DCAF8L2: variants seen among roughly 807,000 people sequenced by gnomAD.
DCAF8L2 encodes DDB1 and CUL4 associated factor 8 like 2.
For synonymous variants in DCAF8L2, 200 were observed against 190.9 expected, an observed-to-expected ratio of 1.05 and a Z score of -0.39; for missense variants, 430 against 490.7, an observed-to-expected ratio of 0.88 and a Z score of 1.17.
At chrX:27,533,216 AAGAAAGAAAGAAAGAAAG>A in the DCAF8L2 span, among the ~76,000 whole-genome samples, 793 of 49,442 alleles carry the variant, frequency 0.016, 100 homozygotes, top group East Asian at 0.052. Context: ...GAAAGAAAGA[AAGAAAGAAAGAAAGAAAG>A]AGAAAGAAAG....
intron 1 of DCAF8L2, among the ~76,000 whole-genome samples, chrX:27,618,742 C>T (rs759751390): frequency 9.0e-6 from 1 of 111,299 alleles, no homozygotes; most frequent in Non-Finnish European, 1.9e-5. Flanking sequence ...AACTTGAATA[C>T]GTGTTCAAAA....
chrX:27,674,769 C>T (rs1042291057), intron 2 of DCAF8L2, among the ~76,000 whole-genome samples: 6 of 111,181 alleles, frequency 5.4e-5, no homozygotes, highest in African/African-American at 2.0e-4. Context: ...CAGCAGGCCG[C>T]GGTTGTAGAA....
chrX:27,721,976 A>T (rs1931914216), intron 4 of DCAF8L2, among the ~76,000 whole-genome samples: 1 of 111,841 alleles, frequency 8.9e-6, no homozygotes, highest in Non-Finnish European at 1.9e-5. Flanking sequence ...TTCTGATGGT[A>T]ATTCACCTAT....
the DCAF8L2 span, among the ~76,000 whole-genome samples, chrX:27,504,462 T>G: frequency 9.0e-6 from 1 of 111,655 alleles, no homozygotes; most frequent in Non-Finnish European, 1.9e-5. Context: ...GTGTACTTAT[T>G]GTTCTTATGC....
intron 2 of DCAF8L2, among the ~76,000 whole-genome samples, chrX:27,675,828 T>A (rs898799728): frequency 9.0e-6 from 1 of 111,704 alleles, no homozygotes; most frequent in African/African-American, 3.3e-5. Context: ...CTGAGCTTCA[T>A]GGGATCATAA....
intron 2 of DCAF8L2, among the ~76,000 whole-genome samples, chrX:27,635,328 G>A (rs186373884): frequency 8.2e-4 from 91 of 111,179 alleles, no homozygotes; most frequent in African/African-American, 2.8e-3. Flanking sequence ...TCTTCTCAAT[G>A]AAACTATCAA....
chrX:27,509,833 A>G, the DCAF8L2 span, among the ~76,000 whole-genome samples: 4 of 111,839 alleles, frequency 3.6e-5, no homozygotes, highest in African/African-American at 1.3e-4. Context: ...AAGAAAGTGA[A>G]TATGTGTATA....
rs779233435 is a variant in DCAF8L2, at chrX:27,747,563, G to C, written c.668G>C (p.Arg223Pro). The change falls in exon 5 of 5, where the codon CGT (arginine) becomes CCT (proline). Residue 223 changes from arginine to proline, a missense_variant. Transcript: ENST00000451261. Reference sequence around the variant, plus strand: ...GTGCAGCGTTTCCGCCTGCAATATCGTCTTGCAGACCATGTCGGCTGTGTC... The same window carrying C: ...GTGCAGCGTTTCCGCCTGCAATATCCTCTTGCAGACCATGTCGGCTGTGTC... The part of the protein sequence containing the change: ...AFVQRFRLQY[R>P]LADHVGCVNT... 5 of 1,187,585 alleles carry C rather than the reference G, an allele frequency of 4.2e-6. No homozygotes were observed. In the African/African-American group the frequency reaches 5.3e-5, roughly 13 times the overall value.
chrX:27,547,891 T>TCTTTCTCTCTCTCTC, the DCAF8L2 span, among the ~76,000 whole-genome samples: 81 of 57,163 alleles, frequency 1.4e-3, 3 homozygotes, highest in Non-Finnish European at 2.5e-3. Context: ...CTCTCTCTCT[T>TCTTTCTCTCTCTCTC]TCTCTCTCTC....
At chrX:27,663,046 C>T (rs1929611946) in intron 2 of DCAF8L2, among the ~76,000 whole-genome samples, 1 of 111,488 alleles carries the variant, frequency 9.0e-6, no homozygotes, top group East Asian at 2.8e-4. Flanking sequence ...ATAGGTATTG[C>T]AATATTTGTT....
intron 1 of DCAF8L2, among the ~76,000 whole-genome samples, chrX:27,594,006 T>C (rs1054934233): frequency 4.5e-5 from 5 of 112,325 alleles, no homozygotes; most frequent in African/African-American, 1.6e-4. Context: ...CTTAAATTTT[T>C]TTATAATAAA....
chrX:27,667,215 G>A (rs747793015), intron 2 of DCAF8L2, among the ~76,000 whole-genome samples: 1 of 111,477 alleles, frequency 9.0e-6, no homozygotes, highest in African/African-American at 3.3e-5. Flanking sequence ...AGATACAGAT[G>A]TTGACCTACT....
At chrX:27,568,281 G>A in the DCAF8L2 span, among the ~76,000 whole-genome samples, 1 of 111,346 alleles carries the variant, frequency 9.0e-6, no homozygotes, top group Non-Finnish European at 1.9e-5. Context: ...GATTTGTCTT[G>A]GAGACAGGTT....
the DCAF8L2 span, among the ~76,000 whole-genome samples, chrX:27,493,319 G>T: frequency 9.0e-6 from 1 of 111,711 alleles, no homozygotes; most frequent in South Asian, 3.7e-4. Flanking sequence ...CATAAAGTTT[G>T]CCCATGTTAA....
At chrX:27,522,521 T>C in the DCAF8L2 span, among the ~76,000 whole-genome samples, 2 of 112,004 alleles carry the variant, frequency 1.8e-5, no homozygotes, top group Non-Finnish European at 3.8e-5. Flanking sequence ...CTGTTAACTA[T>C]AGGCAAATGT....
chrX:27,505,124 T>C, the DCAF8L2 span, among the ~76,000 whole-genome samples: 1 of 111,767 alleles, frequency 8.9e-6, no homozygotes, highest in East Asian at 2.8e-4. Flanking sequence ...ATACTACTCA[T>C]GAAATTATTT....
chrX:27,700,538 T>C (rs775429453), intron 3 of DCAF8L2, among the ~76,000 whole-genome samples: 174 of 111,464 alleles, frequency 1.6e-3, no homozygotes, highest in African/African-American at 5.4e-3. Context: ...CTGTTAGAAT[T>C]GATTGATTCT....
chrX:27,668,301 C>T (rs1929814058), intron 2 of DCAF8L2, among the ~76,000 whole-genome samples: 1 of 111,806 alleles, frequency 8.9e-6, no homozygotes, highest in East Asian at 2.8e-4. Flanking sequence ...CAAAAACAGA[C>T]TCGAAGATGA....
At chrX:27,512,797 A>AAC in the DCAF8L2 span, among the ~76,000 whole-genome samples, 1 of 97,213 alleles carries the variant, frequency 1.0e-5, no homozygotes, top group Admixed American at 1.2e-4. Flanking sequence ...AAAAAAAAAA[A>AAC]AAAAAAAAAA....
Sources: gnomAD v4.1 joint callset for allele counts (sites outside exome capture counted in the v4.1 genomes callset) on GRCh38, gnomAD v4.1.1 for gene constraint, MANE v1.5 for transcripts, NCBI Gene and HGNC (gene_info 2026-07-23, HGNC 2026-07-21) for gene names.